KLHL14: variants seen among roughly 807,000 people sequenced by gnomAD.
The protein encoded by KLHL14 is kelch-like protein 14.
Under a neutral mutation model 64.3 loss-of-function variants are expected in KLHL14, and 22 were observed. The ratio of observed to expected loss-of-function variants is 0.34; its 90% CI spans 0.24 to 0.49. The LOEUF (loss-of-function observed/expected upper bound fraction) is 0.49, where lower values mean the gene tolerates loss of function less well. Ranked by LOEUF, KLHL14 falls within the 20% of genes least tolerant of loss-of-function variation. The pLI is 0.99. For missense variants in KLHL14, 661 were observed against 789.0 expected (o/e 0.84, Z 1.94); for synonymous variants, 322 against 333.4 (o/e 0.97, Z 0.37).
chr18:32,749,167 T>A (rs2050239443), intron 2 of KLHL14, among the ~76,000 whole-genome samples: 1 of 152,250 alleles, frequency 6.6e-6, no homozygotes, highest in East Asian at 1.9e-4. Flanking sequence ...TTGGGATTTT[T>A]ACTTTCTCTA....
chr18:32,740,769 A>C (rs1391969504), intron 3 of KLHL14: 2 of 152,012 alleles, frequency 1.3e-5, no homozygotes, highest in African/African-American at 4.8e-5. Context: ...CTATTCTACT[A>C]CTTCTTTACT....
chr18:32,746,394 T>G (rs1274813150), intron 2 of KLHL14, among the ~76,000 whole-genome samples: 2 of 152,234 alleles, frequency 1.3e-5, no homozygotes, highest in Non-Finnish European at 2.9e-5. Context: ...CGCGCCTGTA[T>G]GCGTGAGTGC....
intron 3 of KLHL14, among the ~76,000 whole-genome samples, chr18:32,715,532 C>G (rs1200639850): frequency 5.3e-5 from 8 of 151,916 alleles, no homozygotes; most frequent in Non-Finnish European, 8.8e-5. Flanking sequence ...TAGCTTCAAC[C>G]TATCCTTTAC....
chr18:32,757,792 A>G (rs1204594393), intron 2 of KLHL14, among the ~76,000 whole-genome samples: 1 of 152,246 alleles, frequency 6.6e-6, no homozygotes, highest in Non-Finnish European at 1.5e-5. Flanking sequence ...CATGAAAACA[A>G]ACAATACCAA....
At chr18:32,695,977 T>A (rs934633202) in intron 3 of KLHL14, among the ~76,000 whole-genome samples, 3 of 152,140 alleles carry the variant, frequency 2.0e-5, no homozygotes, top group Admixed American at 2.0e-4. Flanking sequence ...CCCAACGTGG[T>A]TTGCTGGCAA....
intron 2 of KLHL14, chr18:32,743,049 G>A (rs1489790385): frequency 2.6e-5 from 4 of 152,284 alleles, no homozygotes; most frequent in Non-Finnish European, 5.9e-5. Flanking sequence ...GAACAGTAAT[G>A]GATTGAGCAC....
At chr18:32,720,697 C>A (rs1192367261) in intron 3 of KLHL14, among the ~76,000 whole-genome samples, 1 of 151,952 alleles carries the variant, frequency 6.6e-6, no homozygotes, top group Non-Finnish European at 1.5e-5. Flanking sequence ...AAAAAGGCAT[C>A]CAGGAAGTTA....
At chr18:32,704,477 C>G (rs978976370) in intron 3 of KLHL14, among the ~76,000 whole-genome samples, 1 of 152,142 alleles carries the variant, frequency 6.6e-6, no homozygotes, top group African/African-American at 2.4e-5. Flanking sequence ...AATCCCAGCA[C>G]TTTGGGGGGC....
chr18:32,727,282 G>C (rs2050112823), intron 3 of KLHL14, among the ~76,000 whole-genome samples: 1 of 152,204 alleles, frequency 6.6e-6, no homozygotes, highest in African/African-American at 2.4e-5. Context: ...ACTCAGTAGT[G>C]CCTGCCTCCT....
rs760500297 is a variant in KLHL14 at position 32,680,293 on chromosome 18, T to C, written c.1464A>G (p.Leu488=). Residue 488 remains leucine (L), a synonymous_variant, in exon 7 of 9, where the codon CTA becomes CTG. Transcript: ENST00000359358. The surrounding 1 kb of genome is among the most constrained non-coding windows in gnomAD (Gnocchi z 4.8). ...GVHNGEYVPW[L]YCYDPVMDVW... ...CATCCATTACTGGGTCATAGCAATA[T>C]AGCCATGGGACATATTCTCCATTGT... The C allele has an allele frequency of 3.7e-6, 6 of 1,613,924 alleles. No individual in the cohort carries two copies. In the South Asian group the frequency reaches 4.4e-5, roughly 12 times the overall value.
intron 2 of KLHL14, chr18:32,744,053 T>A (rs758577313): frequency 1.3e-5 from 2 of 152,214 alleles, no homozygotes; most frequent in Admixed American, 6.5e-5. Flanking sequence ...GCCGCCAGAC[T>A]GCAGTTGGGG....
chr18:32,767,946 A>G (rs1388102622), intron 2 of KLHL14, among the ~76,000 whole-genome samples: 1 of 152,238 alleles, frequency 6.6e-6, no homozygotes, highest in African/African-American at 2.4e-5. Flanking sequence ...ATTATTGACT[A>G]TGTGTGATAT....
At position 32,684,875 on chromosome 18, in the gene KLHL14, C is replaced by T. The variant is rs193158588; in HGVS notation, c.1238+2280G>A. 2.6e-3 allele frequency among the ~76,000 whole-genome samples: 393 copies of T among 152,116 alleles called. 4 individuals are homozygous for T. Among genetic ancestry groups the T allele is most frequent in the African/African-American group, 9.2e-3 (382 of 41,518 alleles). ...CTTGCTATTTTGAATGGAAACTGGG[C>T]AATGACAGAAAAATTTCATTTTAAG... On this transcript the variant is annotated intron_variant, in intron 5 of 8. Transcript: ENST00000359358.
intron 3 of KLHL14, among the ~76,000 whole-genome samples, chr18:32,712,109 G>GTC (rs57536530): frequency 0.33 from 50,420 of 151,952 alleles, 9,316 homozygotes; most frequent in African/African-American, 0.5. Context: ...TTTATGTATT[G>GTC]TCTCTGGCTG....
intron 3 of KLHL14, among the ~76,000 whole-genome samples, chr18:32,722,041 A>T (rs2050082406): frequency 6.6e-6 from 1 of 152,118 alleles, no homozygotes; most frequent in Non-Finnish European, 1.5e-5. Flanking sequence ...AATAAGTCTC[A>T]TGAGATCTGA....
chr18:32,674,808 A>G lies in KLHL14; in HGVS notation c.1747-11T>C. 1.3e-6 allele frequency: 1 copy of G among 779,778 alleles called. No homozygotes were observed. Among genetic ancestry groups the G allele is most frequent in the Non-Finnish European group, 2.4e-6 (1 of 417,330 alleles). 48.3% of individuals were successfully genotyped at this position (779,778 alleles called of 1,614,324 possible). A position where few individuals can be genotyped will look rare whatever the true frequency, so the allele number is the denominator to read the frequency against. On this transcript the variant is annotated splice_polypyrimidine_tract_variant and intron_variant, in intron 8 of 8. Transcript: ENST00000359358. ...TGACTTGTAGGCCCCCTGTAATGAC[A>G]GAGGAGGGAGCATTTAGAGAAGGAA...
At chr18:32,752,890 T>C (rs1479667608) in intron 2 of KLHL14, among the ~76,000 whole-genome samples, 1 of 150,986 alleles carries the variant, frequency 6.6e-6, no homozygotes. Flanking sequence ...TGGGAACTTT[T>C]ATAAGCTATC....
intron 4 of KLHL14, among the ~76,000 whole-genome samples, chr18:32,690,296 G>A (rs1416825327): frequency 6.6e-6 from 1 of 152,140 alleles, no homozygotes; most frequent in Non-Finnish European, 1.5e-5. Context: ...AAAGTGCTTG[G>A]GGTTTTAAGG....
At chr18:32,724,717 G>C (rs1343112896) in intron 3 of KLHL14, among the ~76,000 whole-genome samples, 5 of 152,234 alleles carry the variant, frequency 3.3e-5, no homozygotes, top group African/African-American at 1.2e-4. Context: ...GAGGTGCAGA[G>C]AGAGCACTTC....
Sources: allele counts gnomAD v4.1 joint callset (sites outside exome capture counted in the v4.1 genomes callset), GRCh38; gene constraint gnomAD v4.1.1; non-coding constraint Gnocchi (gnomAD v3.1); transcripts MANE v1.5; gene names NCBI Gene and HGNC (gene_info 2026-07-23, HGNC 2026-07-21).